Variants in SPG7 observed in about 807,000 individuals in gnomAD.
The protein encoded by SPG7 is mitochondrial inner membrane m-AAA protease component paraplegin.
SPG7 carries 103 observed loss-of-function variants against 81.9 expected under a neutral mutation model. That is an observed-to-expected ratio of 1.26 (90% CI 1.07 to 1.48). The LOEUF is 1.48. Among genes scored for constraint, SPG7 ranks in the 40% most tolerant of loss-of-function variants. The pLI, the probability that SPG7 is intolerant of heterozygous loss-of-function variation, is 0.00. For synonymous variants in SPG7, 534 were observed against 444.2 expected, an observed-to-expected ratio of 1.20 and a Z score of -2.54; for missense variants, 1,241 against 1,087.3, an observed-to-expected ratio of 1.14 and a Z score of -1.99.
In SPG7 at chr16:89,537,255, G is replaced by A. The variant is rs530963588; in HGVS notation, c.1324+4619G>A. On this transcript the variant is annotated intron_variant, in intron 9 of 16. Coordinates refer to ENST00000645818, the MANE Select transcript of SPG7 (RefSeq NM_003119.4). ...CCAAGCCTTGTTGGTTACGTCAGCC[G>A]GTCCATGGCGGTGTCCTGCGGACCC... The A allele has an allele frequency of 7.8e-4, 1,086 of 1,387,616 alleles. 3 individuals carry two copies. Among genetic ancestry groups the A allele is most frequent in the Middle Eastern group, 2.4e-3 (9 of 3,700 alleles). 86.0% of individuals were successfully genotyped at this position (1,387,616 alleles called of 1,614,324 possible).
chr16:89,509,887 C>G (rs2057989733), intron 1 of SPG7, among the ~76,000 whole-genome samples: 1 of 150,552 alleles, frequency 6.6e-6, no homozygotes, highest in Admixed American at 6.7e-5. Context: ...CTCCTGGGCC[C>G]AAGCAATCCT....
chr16:89,520,685 CT>C (rs1488981428), intron 3 of SPG7: 7 of 151,462 alleles, frequency 4.6e-5, no homozygotes, highest in African/African-American at 1.7e-4. Flanking sequence ...TCGTAAGCCA[CT>C]GCGCCCAGCC....
Position 89,531,989 on chromosome 16 carries a change from T to C in SPG7, c.1073T>C (p.Leu358Pro), listed in dbSNP as rs997293950. 3.1e-6 allele frequency: 5 copies of C among 1,613,778 alleles called. No homozygotes were observed. The highest frequency in any genetic ancestry group is 3.4e-6 in the Non-Finnish European group (4 of 1,179,866). ...CCCCCCGGCTGTGGGAAGACGCTGC[T>C]GGCCAAGGCGGTGGCCACGGAGGCT... ...LGPPGCGKTL[L>P]AKAVATEAQV... The change falls in exon 8 of 17, where the codon CTG (leucine) becomes CCG (proline). Residue 358 changes from leucine (L) to proline (P), a missense_variant. Coordinates refer to ENST00000645818, the MANE Select transcript of SPG7 (RefSeq NM_003119.4).
chr16:89,508,848 C>T (rs747042093), intron 1 of SPG7: 22 of 671,426 alleles, frequency 3.3e-5, no homozygotes, highest in East Asian at 5.7e-5. Flanking sequence ...TTTCCCAACC[C>T]GTCTGTTGTG....
chr16:89,552,165 C>T (rs2058641416), intron 13 of SPG7: 1 of 152,348 alleles, frequency 6.6e-6, no homozygotes, highest in African/African-American at 2.4e-5. Flanking sequence ...CTCACACGAT[C>T]CTCCTACCTC....
intron 3 of SPG7, 183 bp from the exon 4 acceptor site, chr16:89,523,823 G>A (rs924434876): frequency 1.2e-5 from 10 of 828,494 alleles, no homozygotes; most frequent in South Asian, 7.2e-5. Flanking sequence ...GGGTGACCTC[G>A]AACAGCACAG....
chr16:89,535,030 C>T (rs1006635797), intron 9 of SPG7, among the ~76,000 whole-genome samples: 1 of 152,194 alleles, frequency 6.6e-6, no homozygotes, highest in African/African-American at 2.4e-5. Context: ...TTCACTGTTC[C>T]TCAGTGTTTG....
chr16:89,529,209 A>C (rs1017991641), intron 5 of SPG7: 201 of 528,604 alleles, frequency 3.8e-4, no homozygotes, highest in Middle Eastern at 2.6e-3. Flanking sequence ...GAAAAACCTG[A>C]ACGTTGTTAT....
At chr16:89,532,100 T>G (rs779322743) in intron 8 of SPG7, 34 bp downstream of exon 8, 147 of 1,604,508 alleles carry the variant, frequency 9.2e-5, no homozygotes, top group Non-Finnish European at 1.2e-4. Context: ...TGGGTGGGCT[T>G]GGCTGACTAC....
Position 89,531,967 on chromosome 16 carries a change from C to A in SPG7, c.1051C>A (p.Pro351Thr). 6 of 1,613,942 alleles carry A rather than the reference C, an allele frequency of 3.7e-6. No homozygotes were observed. The highest frequency in any genetic ancestry group is 5.1e-6 in the Non-Finnish European group (6 of 1,179,832). The change falls in exon 8 of 17, where the codon CCC (proline) becomes ACC (threonine). Residue 351 changes from proline to threonine, a missense_variant. Physicochemically the swap from Pro to Thr is conservative, Grantham distance 38 (BLOSUM62 -1). Coordinates refer to ENST00000645818, the MANE Select transcript of SPG7 (RefSeq NM_003119.4). ...VPKGALLLGP[P>T]GCGKTLLAKA... ...AAAGGGCGCACTGCTGCTCGGCCCC[C>A]CCGGCTGTGGGAAGACGCTGCTGGC...
At chr16:89,536,195 T>G (rs1410629548) in intron 9 of SPG7, among the ~76,000 whole-genome samples, 13 of 100,640 alleles carry the variant, frequency 1.3e-4, no homozygotes, top group South Asian at 4.4e-4. Flanking sequence ...CAGTGTGGCC[T>G]CTCTGGTGCT....
intron 9 of SPG7, chr16:89,539,795 G>C (rs532267964): frequency 2.6e-4 from 39 of 152,208 alleles, no homozygotes; most frequent in African/African-American, 9.4e-4. Context: ...GCCTGCTCTT[G>C]AACTCCTGGG....
At chr16:89,516,912 C>CAAAAAAA (rs549288254) in intron 3 of SPG7, 1 of 147,882 alleles carries the variant, frequency 6.8e-6, no homozygotes, top group African/African-American at 2.5e-5. Flanking sequence ...ACTCTTGTCT[C>CAAAAAAA]AAAAAAAAAG....
At chr16:89,553,277 G>C (rs1178217700) in intron 14 of SPG7, 142 bp downstream of exon 14, 2 of 949,056 alleles carry the variant, frequency 2.1e-6, no homozygotes, top group South Asian at 2.8e-5. Context: ...GATAAGTTGT[G>C]GTCATAAGAG....
chr16:89,545,624 TTTCTCCAGGGGATGGCAGC>T (rs1389116889), intron 10 of SPG7: 1 of 241,428 alleles, frequency 4.1e-6, no homozygotes, highest in Non-Finnish European at 8.1e-6. Context: ...GGGGACACTG[TTTCTCCAGGGGATGGCAGC>T]TTCTCCAGGG....
At chr16:89,530,658 C>T (rs755152582) in intron 6 of SPG7, 25 bp from the exon 7 acceptor site, 31 of 1,613,922 alleles carry the variant, frequency 1.9e-5, no homozygotes, top group Admixed American at 5.0e-5. Context: ...CGCCCAGCTC[C>T]TTGCACTTTG....
Position 89,540,767 on chromosome 16 carries a change from G to A in SPG7, c.1325-3881G>A, listed in dbSNP as rs994464808. On this transcript the variant is annotated intron_variant, in intron 9 of 16. Transcript: ENST00000645818. Reference sequence around the variant, plus strand: ...ACCATGTGACCCCGTGTCCACATGCGCTCACCACATGACCCCGCATCCACC... The same window carrying A: ...ACCATGTGACCCCGTGTCCACATGCACTCACCACATGACCCCGCATCCACC... The A allele has an allele frequency of 9.4e-5, 38 of 406,154 alleles. 1 individual carries two copies. The highest frequency in any genetic ancestry group is 1.1e-4 in the Non-Finnish European group (33 of 300,696). The allele number at this position is 406,154 out of a possible 1,614,324, so 25.2% of individuals were successfully genotyped here.
chr16:89,557,430 CCAAA>C lies in SPG7; in HGVS notation c.*340_*343del. On this transcript the variant is annotated 3_prime_UTR_variant, in exon 17 of 17. Transcript: ENST00000645818. ...CCAGAGGCAGCAGAGCATTCAGACT[CCAAA>C]CAGACCCCTGTTCATGCCGACGCTT... The C allele has an allele frequency of 2.8e-6, 1 of 363,036 alleles. No individual in the cohort carries two copies. The highest frequency in any genetic ancestry group is 5.2e-6 in the Non-Finnish European group (1 of 192,472). The allele number at this position is 363,036 out of a possible 1,614,324, so 22.5% of individuals were successfully genotyped here.
chr16:89,531,918 C>T lies in SPG7; in HGVS notation c.1002C>T (p.Phe334=). The T allele has an allele frequency of 6.2e-7, 1 of 1,614,108 alleles. No homozygotes were observed. Among genetic ancestry groups the T allele is most frequent in the Non-Finnish European group, 8.5e-7 (1 of 1,179,946 alleles). Reference sequence around the variant, plus strand: ...CTGCCGTCCAGAGCCCAGAACGCTTCCTCCAGCTTGGCGCCAAGGTCCCAA... The same window carrying T: ...CTGCCGTCCAGAGCCCAGAACGCTTTCTCCAGCTTGGCGCCAAGGTCCCAA... ...FVDYLKSPER[F]LQLGAKVPKG... Residue 334 remains phenylalanine (F), a synonymous_variant, in exon 8 of 17, where the codon TTC becomes TTT. Transcript: ENST00000645818.
Sources: gnomAD v4.1 joint callset for allele counts (sites outside exome capture counted in the v4.1 genomes callset) on GRCh38, gnomAD v4.1.1 for gene constraint, MANE v1.5 for transcripts, NCBI Gene and HGNC (gene_info 2026-07-23, HGNC 2026-07-21) for gene names.